The following ANAPC10 variants were observed in gnomAD, a reference collection of about 807,000 sequenced individuals.
ANAPC10 encodes anaphase promoting complex subunit 10.
In ANAPC10, 12 loss-of-function variants were observed where a neutral mutation model predicts 22.0. The ratio of observed to expected loss-of-function variants is 0.55; its 90% CI spans 0.35 to 0.88. The LOEUF is 0.88. Ranked by LOEUF, ANAPC10 falls within the 40% of genes least tolerant of loss-of-function variation. ANAPC10 has a pLI of 0.01. For missense variants in ANAPC10, 188 were observed against 220.9 expected, an observed-to-expected ratio of 0.85 and a Z score of 0.94; for synonymous variants, 65 against 69.5, an observed-to-expected ratio of 0.94 and a Z score of 0.32.
intron 4 of ANAPC10, among the ~76,000 whole-genome samples, chr4:145,026,945 A>ATATATATATATATATATGTGTGTG (rs1287102797): frequency 7.0e-4 from 12 of 17,152 alleles, no homozygotes; most frequent in East Asian, 3.0e-3. Flanking sequence ...ATATATATAT[A>ATATATATATATATATATGTGTGTG]TGTGTGTGTG....
chr4:145,061,010 A>AGC, intron 4 of ANAPC10, among the ~76,000 whole-genome samples: 1 of 152,126 alleles, frequency 6.6e-6, no homozygotes, highest in Non-Finnish European at 1.5e-5. Flanking sequence ...TTAAAGCAAC[A>AGC]TCCAAAAATT....
chr4:145,015,838 G>A (rs1213364672), intron 4 of ANAPC10, among the ~76,000 whole-genome samples: 1 of 152,102 alleles, frequency 6.6e-6, no homozygotes, highest in Admixed American at 6.6e-5. Context: ...GTGAAACTAA[G>A]CATCAAATAT....
intron 4 of ANAPC10, among the ~76,000 whole-genome samples, chr4:145,060,334 G>A (rs749492628): frequency 2.0e-5 from 3 of 151,740 alleles, no homozygotes; most frequent in Non-Finnish European, 4.4e-5. Context: ...CACATTCTAG[G>A]GTATTAAAGG....
intron 4 of ANAPC10, among the ~76,000 whole-genome samples, chr4:145,005,278 T>A (rs533238264): frequency 1.5e-4 from 23 of 152,274 alleles, no homozygotes; most frequent in Non-Finnish European, 2.6e-4. Context: ...CATAATAGTC[T>A]CTCAGGGATT....
chr4:145,013,825 C>T (rs1222373700), intron 4 of ANAPC10, among the ~76,000 whole-genome samples: 1 of 152,160 alleles, frequency 6.6e-6, no homozygotes, highest in Non-Finnish European at 1.5e-5. Flanking sequence ...ACTGGGGAAA[C>T]TGAAGGTCTC....
At chr4:145,085,244 G>A (rs577691398) in intron 2 of ANAPC10, among the ~76,000 whole-genome samples, 10 of 152,034 alleles carry the variant, frequency 6.6e-5, no homozygotes, top group Non-Finnish European at 1.0e-4. Context: ...GCAACAGTGC[G>A]AGAAACGGAC....
intron 3 of ANAPC10, among the ~76,000 whole-genome samples, chr4:145,070,059 T>A (rs1257841178): frequency 6.6e-6 from 1 of 152,190 alleles, no homozygotes. Flanking sequence ...AATAATGAGA[T>A]ACATATATAA....
intron 4 of ANAPC10, among the ~76,000 whole-genome samples, chr4:145,014,111 G>C (rs1405288493): frequency 6.6e-6 from 1 of 152,088 alleles, no homozygotes; most frequent in Non-Finnish European, 1.5e-5. Flanking sequence ...CCCAAATCCA[G>C]CATCCAGTGT....
chr4:145,081,598 TA>T, intron 3 of ANAPC10, 61 bp downstream of exon 3: 1 of 1,051,992 alleles, frequency 9.5e-7, no homozygotes, highest in Non-Finnish European at 1.4e-6. Context: ...TTTATGTTAA[TA>T]AAATAGATTT....
intron 3 of ANAPC10, among the ~76,000 whole-genome samples, chr4:145,072,906 T>C (rs1360689964): frequency 2.6e-5 from 4 of 152,000 alleles, no homozygotes; most frequent in African/African-American, 4.8e-5. Context: ...CTGTTTTTTT[T>C]TTTTTTTAGG....
intron 2 of ANAPC10, among the ~76,000 whole-genome samples, chr4:145,087,687 A>G (rs1022626531): frequency 3.3e-5 from 5 of 152,206 alleles, no homozygotes; most frequent in Non-Finnish European, 7.3e-5. Flanking sequence ...ATGGTGCACT[A>G]AGTTCTAATG....
intron 4 of ANAPC10, among the ~76,000 whole-genome samples, chr4:145,028,795 G>A (rs1737119350): frequency 6.6e-6 from 1 of 152,158 alleles, no homozygotes; most frequent in Admixed American, 6.6e-5. Context: ...GACCATATGT[G>A]GAGAACCAAG....
intron 1 of ANAPC10, chr4:145,097,900 G>A: frequency 4.1e-6 from 1 of 246,416 alleles, no homozygotes; most frequent in Non-Finnish European, 8.2e-6. Flanking sequence ...ACAGTTGAGA[G>A]GAAGTTGAGG....
intron 4 of ANAPC10, among the ~76,000 whole-genome samples, chr4:145,060,323 A>G (rs1223460898): frequency 6.6e-6 from 1 of 152,060 alleles, no homozygotes; most frequent in Non-Finnish European, 1.5e-5. Flanking sequence ...TGGTTAAAAT[A>G]CACATTCTAG....
chr4:145,052,002 TA>T (rs1741174184), intron 4 of ANAPC10, among the ~76,000 whole-genome samples: 1 of 152,166 alleles, frequency 6.6e-6, no homozygotes, highest in Admixed American at 6.6e-5. Flanking sequence ...AGTAACATTT[TA>T]AAAAATTGGA....
intron 4 of ANAPC10, among the ~76,000 whole-genome samples, chr4:145,047,384 T>C (rs1347426424): frequency 6.6e-6 from 1 of 152,148 alleles, no homozygotes; most frequent in Non-Finnish European, 1.5e-5. Flanking sequence ...CTGCGTTCAA[T>C]GGCGAGTACA....
intron 4 of ANAPC10, among the ~76,000 whole-genome samples, chr4:144,997,237 A>G (rs553386331): frequency 2.0e-5 from 3 of 152,254 alleles, no homozygotes; most frequent in African/African-American, 7.2e-5. Context: ...AATACAGAGA[A>G]CACCACAAAG....
intron 2 of ANAPC10, among the ~76,000 whole-genome samples, chr4:145,085,625 T>C (rs1746774299): frequency 6.6e-6 from 1 of 152,184 alleles, no homozygotes; most frequent in African/African-American, 2.4e-5. Context: ...AAACTGATCA[T>C]TTAAAATTTG....
chr4:145,019,654 T>C (rs1392355944), intron 4 of ANAPC10, among the ~76,000 whole-genome samples: 1 of 152,086 alleles, frequency 6.6e-6, no homozygotes, highest in Admixed American at 6.6e-5. Context: ...AACAAAAAGC[T>C]GCTTGTTTGA....
Sources: allele counts gnomAD v4.1 joint callset (sites outside exome capture counted in the v4.1 genomes callset), GRCh38; gene constraint gnomAD v4.1.1; transcripts MANE v1.5; gene names NCBI Gene and HGNC (gene_info 2026-07-23, HGNC 2026-07-21).